SLC25A42: variants seen among roughly 807,000 people sequenced by gnomAD.
The protein encoded by SLC25A42 is solute carrier family 25 member 42.
Under a neutral mutation model 34.7 loss-of-function variants are expected in SLC25A42, and 19 were observed. That is an observed-to-expected ratio of 0.55 (90% CI 0.38 to 0.80). The LOEUF (loss-of-function observed/expected upper bound fraction) is 0.80, where lower values mean the gene tolerates loss of function less well. Among genes scored for constraint, SLC25A42 ranks in the 30% least tolerant of loss-of-function variants. The pLI is 0.00. For missense variants in SLC25A42, 364 were observed against 441.3 expected (o/e 0.82, Z 1.57); for synonymous variants, 205 against 191.2 (o/e 1.07, Z -0.59).
chr19:19,108,818 C>G (rs1374326370), intron 7 of SLC25A42, among the ~76,000 whole-genome samples: 1 of 152,096 alleles, frequency 6.6e-6, no homozygotes, highest in Non-Finnish European at 1.5e-5. Flanking sequence ...GAGATGGGGT[C>G]TCCCTCTGTT....
chr19:19,102,999 T>A (rs1262495209), intron 3 of SLC25A42, among the ~76,000 whole-genome samples: 1 of 152,152 alleles, frequency 6.6e-6, no homozygotes, highest in Non-Finnish European at 1.5e-5. Context: ...CTCCTTGGCT[T>A]GTGGCCGCAT....
At chr19:19,085,671 C>T (rs988387153) in intron 1 of SLC25A42, among the ~76,000 whole-genome samples, 2 of 152,238 alleles carry the variant, frequency 1.3e-5, no homozygotes, top group African/African-American at 4.8e-5. Flanking sequence ...CACACCCGGC[C>T]AATAGCCACT....
At chr19:19,104,772 G>T in intron 3 of SLC25A42, 141 bp from the exon 4 acceptor site, 1 of 901,870 alleles carries the variant, frequency 1.1e-6, no homozygotes, top group South Asian at 1.5e-5. Context: ...GGGCTTGGGT[G>T]TCAGCTCAGC....
chr19:19,086,910 T>A (rs775453282), intron 1 of SLC25A42, among the ~76,000 whole-genome samples: 1 of 152,162 alleles, frequency 6.6e-6, no homozygotes, highest in Non-Finnish European at 1.5e-5. Context: ...GTGAAGTGAT[T>A]ACTGCAGTCA....
chr19:19,073,525 G>A (rs894015349), intron 1 of SLC25A42, among the ~76,000 whole-genome samples: 1 of 152,036 alleles, frequency 6.6e-6, no homozygotes, highest in African/African-American at 2.4e-5. Flanking sequence ...AGTTGTTGAA[G>A]GCCAATCAAA....
intron 1 of SLC25A42, among the ~76,000 whole-genome samples, chr19:19,090,840 A>G (rs2059734595): frequency 6.6e-6 from 1 of 152,226 alleles, no homozygotes; most frequent in African/African-American, 2.4e-5. Flanking sequence ...AAGGGAAAAG[A>G]AACAGTGCTT....
Position 19,081,305 on chromosome 19 carries a change from C to T in SLC25A42, c.-34-14786C>T, listed in dbSNP as rs1802934772. ...CCATAAGGAACCACAGGGACCACCA[C>T]TATGACCAGCCTGGCAGGGGGTGAT... On this transcript the variant is annotated intron_variant, in intron 1 of 7. Transcript: ENST00000318596. This position sits in a 1 kb window ranked among gnomAD's most constrained non-coding sequence, Gnocchi z 4.5. Among the ~76,000 whole-genome samples the T allele has an allele frequency of 1.3e-5, 2 of 152,066 alleles. No individual in the cohort carries two copies. Among genetic ancestry groups the T allele is most frequent in the Non-Finnish European group, 2.9e-5 (2 of 68,004 alleles).
At chr19:19,066,146 C>A (rs976837236) in intron 1 of SLC25A42, among the ~76,000 whole-genome samples, 5 of 151,830 alleles carry the variant, frequency 3.3e-5, no homozygotes, top group African/African-American at 1.2e-4. Flanking sequence ...CGTGAGCCAC[C>A]ACACCCGGCC....
intron 4 of SLC25A42, 200 bp from the exon 5 acceptor site, chr19:19,105,361 G>A: frequency 1.6e-6 from 1 of 639,918 alleles, no homozygotes; most frequent in East Asian, 2.8e-5. Flanking sequence ...ACATAGGGAG[G>A]AAGGACGGGG....
intron 7 of SLC25A42, 59 bp from the exon 8 acceptor site, chr19:19,110,510 G>A (rs918879940): frequency 3.7e-6 from 5 of 1,352,442 alleles, no homozygotes; most frequent in African/African-American, 1.6e-5. Flanking sequence ...GCGCGCACGG[G>A]TGCGGGGTGC....
rs184495281 is a variant in SLC25A42, at chr19:19,081,701, G to A, written c.-34-14390G>A. Among the ~76,000 whole-genome samples, 109 of 152,214 alleles carry A rather than the reference G, an allele frequency of 7.2e-4. No homozygotes were observed. Among genetic ancestry groups the A allele is most frequent in the Admixed American group, 2.7e-3 (41 of 15,288 alleles). The stretch of plus-strand genomic sequence containing the variant: ...CAGAACCTGGACAGGCTCCTGAGGC[G>A]CCCGCCACCTCCCTCCACTGCAGCC... On this transcript the variant is annotated intron_variant, in intron 1 of 7. Coordinates refer to ENST00000318596, the MANE Select transcript of SLC25A42 (RefSeq NM_178526.5). The surrounding 1 kb of genome is among the most constrained non-coding windows in gnomAD (Gnocchi z 4.5).
At chr19:19,088,362 C>A (rs922846369) in intron 1 of SLC25A42, among the ~76,000 whole-genome samples, 1 of 151,900 alleles carries the variant, frequency 6.6e-6, no homozygotes, top group African/African-American at 2.4e-5. Context: ...CCCGCCACCA[C>A]GCCTGGCTAA....
At chr19:19,102,922 C>T (rs1326706304) in intron 3 of SLC25A42, among the ~76,000 whole-genome samples, 7 of 152,136 alleles carry the variant, frequency 4.6e-5, no homozygotes, top group African/African-American at 7.2e-5. Flanking sequence ...GGCAGGGCTG[C>T]GTTCCCTCCA....
intron 1 of SLC25A42, among the ~76,000 whole-genome samples, chr19:19,072,068 A>T (rs530691889): frequency 6.6e-6 from 1 of 152,062 alleles, no homozygotes; most frequent in Non-Finnish European, 1.5e-5. Context: ...GCCCAGGCTG[A>T]TCTCCAATTC....
chr19:19,106,245 G>A, intron 5 of SLC25A42, 24 bp from the exon 6 acceptor site: 1 of 1,595,434 alleles, frequency 6.3e-7, no homozygotes, highest in Non-Finnish European at 8.5e-7. Flanking sequence ...CTGCCGTCTC[G>A]CCTTCTCCTC....
intron 1 of SLC25A42, among the ~76,000 whole-genome samples, chr19:19,094,024 A>C (rs941310583): frequency 6.6e-6 from 1 of 151,968 alleles, no homozygotes; most frequent in Non-Finnish European, 1.5e-5. Flanking sequence ...GGGGAGGAAG[A>C]CCCTAGTCGT....
At chr19:19,101,743 C>T (rs1226284971) in intron 2 of SLC25A42, 38 bp from the exon 3 acceptor site, 2 of 1,579,970 alleles carry the variant, frequency 1.3e-6, no homozygotes, top group South Asian at 1.1e-5. Context: ...GGAGCCGCCC[C>T]CCTGCCCTCT....
At position 19,081,283 on chromosome 19, in the gene SLC25A42, T is replaced by TAAGG. The variant is rs35055996; in HGVS notation, c.-34-14805_-34-14802dup. ...GGGTGACTTTCCAGCACTGGACCCA[T>TAAGG]AAGGAACCACAGGGACCACCACTAT... On this transcript the variant is annotated intron_variant, in intron 1 of 7. Coordinates refer to ENST00000318596, the MANE Select transcript of SLC25A42 (RefSeq NM_178526.5). The surrounding 1 kb of genome is among the most constrained non-coding windows in gnomAD (Gnocchi z 4.5). Among the ~76,000 whole-genome samples the TAAGG allele has an allele frequency of 1.2e-4, 18 of 151,956 alleles. No individual in the cohort carries two copies. The highest frequency in any genetic ancestry group is 1.2e-3 in the Admixed American group (18 of 15,244).
At position 19,104,919 on chromosome 19, in the gene SLC25A42, CA is replaced by C. The variant is rs776716936; in HGVS notation, c.199del (p.Arg67AspfsTer82). The C allele has an allele frequency of 3.1e-6, 5 of 1,614,026 alleles. No homozygotes were observed. Among genetic ancestry groups the C allele is most frequent in the Non-Finnish European group, 3.4e-6 (4 of 1,180,002 alleles). ...GTGCTTTTGTTTTTTCCAGTGTCTT[CA>C]AAAAGATTTTCTGCCAAGGTGAGCC... is the stretch of plus-strand genomic sequence containing the variant. ...DRTKIIFQVS[S>X]KRFSAKEAFR... On this transcript the variant is annotated frameshift_variant, in exon 4 of 8. Coordinates refer to ENST00000318596, the MANE Select transcript of SLC25A42 (RefSeq NM_178526.5). LOFTEE classifies it high-confidence loss of function.
Sources: allele counts gnomAD v4.1 joint callset (sites outside exome capture counted in the v4.1 genomes callset), GRCh38; gene constraint gnomAD v4.1.1; non-coding constraint Gnocchi (gnomAD v3.1); transcripts MANE v1.5; gene names NCBI Gene and HGNC (gene_info 2026-07-23, HGNC 2026-07-21).